Variants in AP1G1 observed in about 807,000 individuals in gnomAD.
The protein encoded by AP1G1 is adaptor related protein complex 1 subunit gamma 1.
Under a neutral mutation model 108.3 loss-of-function variants are expected in AP1G1, and 7 were observed. The observed-to-expected ratio is 0.06, with a 90% confidence interval of 0.04 to 0.12. The LOEUF (loss-of-function observed/expected upper bound fraction) is 0.12, where lower values mean the gene tolerates loss of function less well. AP1G1 is among the 10% of genes least tolerant of loss of function. AP1G1 has a pLI of 1.00. For missense variants in AP1G1, 756 were observed against 1,010.7 expected, an observed-to-expected ratio of 0.75 and a Z score of 3.42; for synonymous variants, 379 against 353.5, an observed-to-expected ratio of 1.07 and a Z score of -0.81.
intron 21 of AP1G1, among the ~76,000 whole-genome samples, chr16:71,738,297 G>A (rs978111244): frequency 6.6e-6 from 1 of 151,256 alleles, no homozygotes; most frequent in African/African-American, 2.4e-5. Flanking sequence ...GATCTCAAGT[G>A]ATCTGCCTGC....
In AP1G1 at chr16:71,729,153, CTTTAAA is replaced by C. The variant is rs1196566811; in HGVS notation, c.*3899_*3904del. ...CTCGCCTCTAAGACTTATCATTTAA[CTTTAAA>C]TTTTTTTTTTTACATCTCAAAAATA... On this transcript the variant is annotated 3_prime_UTR_variant, in exon 23 of 23. Transcript: ENST00000299980. The C allele has an allele frequency of 1.6e-5, 2 of 121,470 alleles. No individual in the cohort carries two copies. The highest frequency in any genetic ancestry group is 5.8e-5 in the African/African-American group (2 of 34,360). The allele number at this position is 121,470 out of a possible 1,614,324, so 7.5% of individuals were successfully genotyped here.
Position 71,745,602 on chromosome 16 carries a change from A to T in AP1G1, c.1743T>A (p.Leu581=), listed in dbSNP as rs540793585. 1.2e-6 allele frequency: 2 copies of T among 1,614,132 alleles called. No homozygotes were observed. The highest frequency in any genetic ancestry group is 2.2e-5 in the East Asian group (1 of 44,888). The change falls in exon 18 of 23, where the codon CTT becomes CTA. Residue 581 remains leucine, a synonymous_variant. Transcript: ENST00000299980. ...KKYDHMRSAL[L]ERMPVMEKVT... is the part of the protein sequence containing the mutation. The stretch of plus-strand genomic sequence containing the variant: ...CTTTTTCCATGACAGGCATTCTCTC[A>T]AGTAGGGCAGACCTAGAAGAATCTG...
intron 6 of AP1G1, among the ~76,000 whole-genome samples, chr16:71,767,059 T>G (rs9940707): frequency 0.51 from 76,864 of 151,906 alleles, 19,767 homozygotes; most frequent in Middle Eastern, 0.65. Context: ...CAATGGTCTG[T>G]TTTTTTTGTA....
chr16:71,792,389 AT>A (rs1327919491), intron 1 of AP1G1, among the ~76,000 whole-genome samples: 2 of 152,126 alleles, frequency 1.3e-5, no homozygotes, highest in Non-Finnish European at 1.5e-5. Flanking sequence ...ATCTTCAGGA[AT>A]TTTTACTTAT....
intron 22 of AP1G1, 40 bp from the exon 23 acceptor site, chr16:71,733,199 T>C (rs375099704): frequency 6.7e-7 from 1 of 1,495,456 alleles, no homozygotes. Context: ...TATACTGAAA[T>C]GAAATCTCCA....
At chr16:71,779,248 G>A (rs1002458082) in intron 2 of AP1G1, among the ~76,000 whole-genome samples, 7 of 151,008 alleles carry the variant, frequency 4.6e-5, no homozygotes, top group Non-Finnish European at 7.4e-5. Flanking sequence ...ATGGGTCACC[G>A]CCCCCACCCC....
intron 1 of AP1G1, among the ~76,000 whole-genome samples, chr16:71,800,361 A>G (rs1597091996): frequency 8.1e-6 from 1 of 123,590 alleles, no homozygotes; most frequent in South Asian, 2.5e-4. Flanking sequence ...ATAGAGCAAG[A>G]CTCCCCATCT....
chr16:71,755,984 A>G, intron 12 of AP1G1, 35 bp downstream of exon 12: 1 of 1,593,328 alleles, frequency 6.3e-7, no homozygotes, highest in South Asian at 1.1e-5. Flanking sequence ...AGTTCCAAGC[A>G]GACTTTACCA....
intron 9 of AP1G1, among the ~76,000 whole-genome samples, chr16:71,762,655 G>A (rs1484218867): frequency 6.6e-6 from 1 of 152,242 alleles, no homozygotes; most frequent in Non-Finnish European, 1.5e-5. Context: ...CTGGAGGGCA[G>A]CACATCTGGA....
At chr16:71,790,475 C>A (rs2032358649) in intron 1 of AP1G1, among the ~76,000 whole-genome samples, 1 of 142,162 alleles carries the variant, frequency 7.0e-6, no homozygotes, top group Admixed American at 7.5e-5. Flanking sequence ...TTCAGTGAGC[C>A]AAGATTGCAC....
At chr16:71,753,788 T>C in intron 13 of AP1G1, 45 bp downstream of exon 13, 1 of 1,543,778 alleles carries the variant, frequency 6.5e-7, no homozygotes, top group South Asian at 1.1e-5. Flanking sequence ...ATAACATCAG[T>C]ATATCCCAGC....
chr16:71,805,920 C>A (rs1017305103), intron 1 of AP1G1, among the ~76,000 whole-genome samples: 1 of 151,866 alleles, frequency 6.6e-6, no homozygotes, highest in African/African-American at 2.4e-5. Context: ...ACGTGGAGGG[C>A]TGAGGCAGGA....
intron 13 of AP1G1, 42 bp downstream of exon 13, chr16:71,753,791 A>T (rs745396641): frequency 1.3e-6 from 2 of 1,563,098 alleles, no homozygotes; most frequent in Non-Finnish European, 1.8e-6. Flanking sequence ...ACATCAGTAT[A>T]TCCCAGCACT....
intron 2 of AP1G1, among the ~76,000 whole-genome samples, chr16:71,786,807 A>G (rs2032220582): frequency 6.6e-6 from 1 of 152,110 alleles, no homozygotes; most frequent in South Asian, 2.1e-4. Flanking sequence ...GCACGCCTGT[A>G]ATCTCAGTAC....
At chr16:71,768,917 C>CAAA (rs58725744) in intron 6 of AP1G1, among the ~76,000 whole-genome samples, 43 of 42,130 alleles carry the variant, frequency 1.0e-3, no homozygotes, top group African/African-American at 2.2e-3. Flanking sequence ...GACTCTGTCT[C>CAAA]AAAAAAAAAA....
At chr16:71,737,546 A>C (rs1263244456) in intron 21 of AP1G1, among the ~76,000 whole-genome samples, 1 of 152,172 alleles carries the variant, frequency 6.6e-6, no homozygotes, top group African/African-American at 2.4e-5. Context: ...CAGCCTCCCA[A>C]ATTGCTGGGA....
intron 4 of AP1G1, among the ~76,000 whole-genome samples, chr16:71,771,975 GTACATT>G (rs1244601275): frequency 1.3e-5 from 2 of 151,968 alleles, no homozygotes; most frequent in Non-Finnish European, 2.9e-5. Flanking sequence ...GAAAATAAAA[GTACATT>G]TAAACACTGA....
At chr16:71,804,988 G>A (rs1321434040) in intron 1 of AP1G1, among the ~76,000 whole-genome samples, 1 of 152,126 alleles carries the variant, frequency 6.6e-6, no homozygotes, top group African/African-American at 2.4e-5. Context: ...TCCAGCCTGG[G>A]TGAAAGAGTG....
intron 1 of AP1G1, among the ~76,000 whole-genome samples, chr16:71,806,136 T>G (rs1273086863): frequency 2.0e-5 from 3 of 152,184 alleles, no homozygotes; most frequent in Non-Finnish European, 4.4e-5. Context: ...GGGTGAAATA[T>G]CACCAAGGCA....
Sources: gnomAD v4.1 joint callset for allele counts (sites outside exome capture counted in the v4.1 genomes callset) on GRCh38, gnomAD v4.1.1 for gene constraint, MANE v1.5 for transcripts, NCBI Gene and HGNC (gene_info 2026-07-23, HGNC 2026-07-21) for gene names.